Variants in PDZRN3 observed in about 807,000 individuals in gnomAD.
PDZRN3 encodes the protein PDZ domain containing ring finger 3.
A neutral mutation model predicts 85.7 loss-of-function variants in PDZRN3; 38 were observed. That is an observed-to-expected ratio of 0.44 (90% CI 0.34 to 0.58). PDZRN3 has a LOEUF of 0.58. PDZRN3 is among the 20% of genes least tolerant of loss of function. The pLI, the probability that PDZRN3 is intolerant of heterozygous loss-of-function variation, is 0.01. For synonymous variants in PDZRN3, 759 were observed against 638.0 expected, an observed-to-expected ratio of 1.19 and a Z score of -2.86; for missense variants, 1,629 against 1,506.4, an observed-to-expected ratio of 1.08 and a Z score of -1.35.
intron 3 of PDZRN3, among the ~76,000 whole-genome samples, chr3:73,494,753 T>C (rs544701933): frequency 7.9e-4 from 121 of 152,340 alleles, no homozygotes; most frequent in Non-Finnish European, 1.5e-3. Flanking sequence ...AGGACACTTA[T>C]GTAGTCTCAG....
chr3:73,418,659 T>C (rs1702139856), intron 3 of PDZRN3, among the ~76,000 whole-genome samples: 1 of 152,184 alleles, frequency 6.6e-6, no homozygotes, highest in Admixed American at 6.5e-5. Context: ...AAGCAGGAAC[T>C]GGGCCCCCGT....
At chr3:73,505,730 G>C (rs1704058024) in intron 3 of PDZRN3, among the ~76,000 whole-genome samples, 1 of 151,890 alleles carries the variant, frequency 6.6e-6, no homozygotes, top group African/African-American at 2.4e-5. Flanking sequence ...TATTCAAACT[G>C]CATCAGTTTA....
chr3:73,534,736 G>A (rs2106764065), intron 3 of PDZRN3, among the ~76,000 whole-genome samples: 1 of 152,268 alleles, frequency 6.6e-6, no homozygotes, highest in South Asian at 2.1e-4. Context: ...TTCATATCTT[G>A]TAGATAATAT....
chr3:73,477,595 C>T (rs1251220731), intron 3 of PDZRN3, among the ~76,000 whole-genome samples: 1 of 152,010 alleles, frequency 6.6e-6, no homozygotes, highest in Non-Finnish European at 1.5e-5. Flanking sequence ...CGCTCATGAG[C>T]AAAAAATCAC....
intron 3 of PDZRN3, among the ~76,000 whole-genome samples, chr3:73,535,829 G>A (rs941380186): frequency 2.0e-5 from 3 of 152,184 alleles, no homozygotes; most frequent in Non-Finnish European, 2.9e-5. Context: ...GCACCCACAT[G>A]CATGGCATAT....
chr3:73,471,068 A>G (rs1703329434), intron 3 of PDZRN3, among the ~76,000 whole-genome samples: 2 of 152,168 alleles, frequency 1.3e-5, no homozygotes, highest in African/African-American at 4.8e-5. Flanking sequence ...TTATTTGGAA[A>G]TAGGGTCTTT....
chr3:73,545,550 C>A (rs1701403684), intron 3 of PDZRN3, among the ~76,000 whole-genome samples: 1 of 152,158 alleles, frequency 6.6e-6, no homozygotes, highest in Non-Finnish European at 1.5e-5. Context: ...GCACTTACTA[C>A]ACACCAGATA....
In PDZRN3 at chr3:73,581,199, G is replaced by A. The variant is rs552631896; in HGVS notation, c.918+21155C>T. On this transcript the variant is annotated intron_variant, in intron 3 of 9. Transcript: ENST00000263666. ...TGTGAGAGCAGCTTTCTCTCAAAGA[G>A]AACTGATGGTTTGCTTATGATGTTT... Among the ~76,000 whole-genome samples, 234 of 152,302 alleles carry A rather than the reference G, an allele frequency of 1.5e-3. 1 individual carries two copies. Among genetic ancestry groups the A allele is most frequent in the African/African-American group, 5.5e-3 (227 of 41,578 alleles).
At chr3:73,484,199 GA>G (rs1185818474) in intron 3 of PDZRN3, among the ~76,000 whole-genome samples, 1 of 152,162 alleles carries the variant, frequency 6.6e-6, no homozygotes, top group Non-Finnish European at 1.5e-5. Context: ...CCTATGTTAA[GA>G]AAGACTGGAA....
chr3:73,567,089 C>A (rs1479677872), intron 3 of PDZRN3, among the ~76,000 whole-genome samples: 1 of 152,070 alleles, frequency 6.6e-6, no homozygotes, highest in African/African-American at 2.4e-5. Context: ...AGAGAAAAAC[C>A]TAGTTGTTAT....
intron 3 of PDZRN3, among the ~76,000 whole-genome samples, chr3:73,433,448 A>T (rs1224027346): frequency 6.6e-6 from 1 of 152,252 alleles, no homozygotes; most frequent in African/African-American, 2.4e-5. Flanking sequence ...GCAGGCACCA[A>T]AGTGCCACTG....
At chr3:73,385,623 C>G (rs764491334) in intron 9 of PDZRN3, 46 bp downstream of exon 9, 1 of 1,177,134 alleles carries the variant, frequency 8.5e-7, no homozygotes, top group Non-Finnish European at 1.3e-6. Context: ...AGATTTTCCT[C>G]CAGCTCAGCA....
chr3:73,438,381 G>C (rs753314468), intron 3 of PDZRN3, among the ~76,000 whole-genome samples: 2 of 152,152 alleles, frequency 1.3e-5, no homozygotes, highest in Admixed American at 6.5e-5. Context: ...ATTATTTTCA[G>C]CATACTGATT....
intron 3 of PDZRN3, among the ~76,000 whole-genome samples, chr3:73,592,048 C>T (rs1468250395): frequency 1.3e-5 from 2 of 152,152 alleles, no homozygotes; most frequent in African/African-American, 4.8e-5. Flanking sequence ...ACAACTCACA[C>T]AACATGAAGA....
intron 3 of PDZRN3, among the ~76,000 whole-genome samples, chr3:73,557,345 G>C (rs1046125927): frequency 6.6e-6 from 1 of 152,180 alleles, no homozygotes; most frequent in Non-Finnish European, 1.5e-5. Context: ...AGAGACAACA[G>C]CTGCTTCAAG....
chr3:73,584,429 A>AGCTAAGTG (rs1559748362), intron 3 of PDZRN3, among the ~76,000 whole-genome samples: 1 of 150,026 alleles, frequency 6.7e-6, no homozygotes, highest in African/African-American at 2.5e-5. Context: ...TTCCAGCACA[A>AGCTAAGTG]GTTAAGTGGT....
intron 3 of PDZRN3, among the ~76,000 whole-genome samples, chr3:73,442,003 G>A (rs552777724): frequency 7.2e-4 from 109 of 152,312 alleles, no homozygotes; most frequent in African/African-American, 2.6e-3. Flanking sequence ...CATGGTCCAT[G>A]GGTAATCTCT....
At chr3:73,516,675 T>C (rs1341039368) in intron 3 of PDZRN3, among the ~76,000 whole-genome samples, 1 of 152,166 alleles carries the variant, frequency 6.6e-6, no homozygotes, top group African/African-American at 2.4e-5. Flanking sequence ...GGATAAAAAA[T>C]AGATTTAGAT....
intron 1 of PDZRN3, 97 bp downstream of exon 1, chr3:73,624,006 G>C: frequency 8.4e-7 from 1 of 1,189,656 alleles, no homozygotes; most frequent in East Asian, 3.2e-5. Context: ...GGATGTTCCC[G>C]GGAAGCTCGG....
Sources: gnomAD v4.1 joint callset for allele counts (sites outside exome capture counted in the v4.1 genomes callset) on GRCh38, gnomAD v4.1.1 for gene constraint, MANE v1.5 for transcripts, NCBI Gene and HGNC (gene_info 2026-07-23, HGNC 2026-07-21) for gene names.